Variants in RDX observed in about 807,000 individuals in gnomAD.
RDX encodes radixin, also known as deafness, autosomal recessive 24.
A neutral mutation model predicts 83.7 loss-of-function variants in RDX; 32 were observed. That is an observed-to-expected ratio of 0.38 (90% confidence interval 0.29 to 0.51). The LOEUF (loss-of-function observed/expected upper bound fraction) is 0.51, where lower values mean the gene tolerates loss of function less well. Among genes scored for constraint, RDX ranks in the 20% least tolerant of loss-of-function variants. The pLI, the probability that RDX is intolerant of heterozygous loss-of-function variation, is 0.87. For missense variants in RDX, 600 were observed against 689.9 expected, an observed-to-expected ratio of 0.87 and a Z score of 1.46; for synonymous variants, 229 against 222.7, an observed-to-expected ratio of 1.03 and a Z score of -0.25.
At position 110,249,903 on chromosome 11, in the gene RDX, G is replaced by C. The variant is rs115828312; in HGVS notation, c.960-2070C>G. Reference sequence around the variant, plus strand: ...TAGAAAACAAAAAAACTAGGGCCTGGTGGTCATTCATGTAAGGGAAGCTCC... The same window carrying C: ...TAGAAAACAAAAAAACTAGGGCCTGCTGGTCATTCATGTAAGGGAAGCTCC... On this transcript the variant is annotated intron_variant, in intron 9 of 13. Coordinates refer to ENST00000645495, the MANE Select transcript of RDX (RefSeq NM_002906.4). Among the ~76,000 whole-genome samples, 561 of 152,212 alleles carry C rather than the reference G, an allele frequency of 3.7e-3. 7 individuals carry two copies. Among genetic ancestry groups the C allele is most frequent in the African/African-American group, 0.013 (522 of 41,528 alleles).
At chr11:110,234,839 CTG>C (rs1864777976) in intron 12 of RDX, among the ~76,000 whole-genome samples, 1 of 152,270 alleles carries the variant, frequency 6.6e-6, no homozygotes, top group Non-Finnish European at 1.5e-5. Flanking sequence ...TGCAAGAAAA[CTG>C]TTTTCTGTAT....
intron 15 of RDX, among the ~76,000 whole-genome samples, chr11:110,189,272 A>G (rs1211298667): frequency 6.7e-6 from 1 of 148,154 alleles, no homozygotes; most frequent in African/African-American, 2.6e-5. Context: ...AAAAAAAGAC[A>G]AGGGCATTAC....
At chr11:110,207,525 T>C (rs1351755348) in intron 14 of RDX, among the ~76,000 whole-genome samples, 3 of 152,314 alleles carry the variant, frequency 2.0e-5, no homozygotes, top group Admixed American at 1.3e-4. Flanking sequence ...AGGAGAACAT[T>C]AGTTTTTAAA....
chr11:110,223,027 A>T (rs1182408344), intron 14 of RDX, among the ~76,000 whole-genome samples: 2 of 152,164 alleles, frequency 1.3e-5, no homozygotes, highest in African/African-American at 4.8e-5. Context: ...GAACGATTAT[A>T]TGTCCTTCAA....
chr11:110,214,000 TA>T (rs1351053108), intron 14 of RDX, among the ~76,000 whole-genome samples: 2 of 76,074 alleles, frequency 2.6e-5, no homozygotes, highest in South Asian at 6.5e-4. Context: ...GGGATCTAAT[TA>T]AACTAAAGAG....
intron 1 of RDX, among the ~76,000 whole-genome samples, chr11:110,279,960 C>A (rs956927540): frequency 2.0e-5 from 3 of 152,136 alleles, no homozygotes; most frequent in African/African-American, 7.2e-5. Flanking sequence ...AAATACCACA[C>A]ATCTCAAATA....
At chr11:110,209,584 C>G (rs1201800862) in intron 14 of RDX, among the ~76,000 whole-genome samples, 1 of 151,546 alleles carries the variant, frequency 6.6e-6, no homozygotes, top group East Asian at 2.0e-4. Context: ...ACTTAAATGT[C>G]CCTGTCTGAC....
At chr11:110,208,707 CCAA>C (rs1392807386) in intron 14 of RDX, among the ~76,000 whole-genome samples, 1 of 151,820 alleles carries the variant, frequency 6.6e-6, no homozygotes, top group Non-Finnish European at 1.5e-5. Flanking sequence ...GCCTATAATC[CCAA>C]CACTTTGGGA....
chr11:110,216,810 A>T (rs1864071737), intron 14 of RDX, among the ~76,000 whole-genome samples: 1 of 152,194 alleles, frequency 6.6e-6, no homozygotes, highest in Non-Finnish European at 1.5e-5. Context: ...AAACCACTGC[A>T]CTGAAATAGC....
intron 1 of RDX, among the ~76,000 whole-genome samples, chr11:110,283,221 T>C (rs1860837200): frequency 6.6e-6 from 1 of 152,176 alleles, no homozygotes; most frequent in East Asian, 1.9e-4. Context: ...TGGCGCGATC[T>C]TGGCTCACTG....
At chr11:110,209,304 G>A (rs1863729202) in intron 14 of RDX, among the ~76,000 whole-genome samples, 1 of 152,274 alleles carries the variant, frequency 6.6e-6, no homozygotes, top group East Asian at 1.9e-4. Flanking sequence ...GGCGCACCAC[G>A]AGATTATATC....
intron 5 of RDX, among the ~76,000 whole-genome samples, 176 bp from the exon 6 acceptor site, chr11:110,258,365 C>G (rs1465349648): frequency 2.0e-5 from 3 of 152,118 alleles, no homozygotes; most frequent in African/African-American, 7.2e-5. Flanking sequence ...GCAGGTAAAA[C>G]TGATGTAATC....
At chr11:110,290,803 A>G (rs113544444) in intron 1 of RDX, among the ~76,000 whole-genome samples, 2 of 150,582 alleles carry the variant, frequency 1.3e-5, no homozygotes, top group Non-Finnish European at 2.9e-5. Context: ...TATGTAAACA[A>G]GTCAGCTACG....
rs559317720 is a variant in RDX, at chr11:110,280,116, A to C, written c.-64-360T>G. Reference sequence around the variant, plus strand: ...GGATGTTAGAGAAAGGAACAATAAAAGTGAAGACAGATGGATTCAGACTCT... The same window carrying C: ...GGATGTTAGAGAAAGGAACAATAAACGTGAAGACAGATGGATTCAGACTCT... On this transcript the variant is annotated intron_variant, in intron 1 of 13. Coordinates refer to ENST00000645495, the MANE Select transcript of RDX (RefSeq NM_002906.4). Among the ~76,000 whole-genome samples the C allele has an allele frequency of 9.2e-5, 14 of 152,364 alleles. No homozygotes were observed. The South Asian group carries it at 2.9e-3, about 32-fold the overall frequency.
intron 3 of RDX, among the ~76,000 whole-genome samples, chr11:110,267,873 A>C (rs11213334): frequency 6.6e-6 from 1 of 151,212 alleles, no homozygotes; most frequent in African/African-American, 2.4e-5. Flanking sequence ...AGGATCACTT[A>C]AGTCCAGGAG....
At chr11:110,291,970 A>AC (rs998036937) in intron 1 of RDX, among the ~76,000 whole-genome samples, 2 of 151,934 alleles carry the variant, frequency 1.3e-5, no homozygotes, top group Admixed American at 1.3e-4. Flanking sequence ...ACATAGGGAT[A>AC]CCCCGTATCT....
intron 5 of RDX, among the ~76,000 whole-genome samples, chr11:110,260,900 A>T (rs1859777058): frequency 1.3e-5 from 2 of 152,154 alleles, no homozygotes; most frequent in Non-Finnish European, 2.9e-5. Context: ...TATTTTTAAA[A>T]TTTTGTACCT....
intron 1 of RDX, among the ~76,000 whole-genome samples, chr11:110,283,491 T>C (rs1860847597): frequency 6.6e-6 from 1 of 152,172 alleles, no homozygotes; most frequent in African/African-American, 2.4e-5. Context: ...AACAGAATTA[T>C]TCTAAATAAG....
chr11:110,216,228 C>A (rs1864046171), intron 14 of RDX, among the ~76,000 whole-genome samples: 1 of 152,148 alleles, frequency 6.6e-6, no homozygotes, highest in Non-Finnish European at 1.5e-5. Context: ...CTGTCTTTTC[C>A]ATGAACAAGT....
Sources: allele counts gnomAD v4.1 joint callset (sites outside exome capture counted in the v4.1 genomes callset), GRCh38; gene constraint gnomAD v4.1.1; transcripts MANE v1.5; gene names NCBI Gene and HGNC (gene_info 2026-07-23, HGNC 2026-07-21).